Variants in UBE2K observed in about 807,000 individuals in gnomAD.
UBE2K encodes the protein ubiquitin conjugating enzyme E2 K.
A neutral mutation model predicts 30.0 loss-of-function variants in UBE2K; 6 were observed. The observed-to-expected ratio is 0.20, with a 90% CI of 0.11 to 0.39. UBE2K has a LOEUF of 0.39. Among genes scored for constraint, UBE2K ranks in the 10% least tolerant of loss-of-function variants. UBE2K has a pLI of 1.00. For synonymous variants in UBE2K, 86 were observed against 83.7 expected, an observed-to-expected ratio of 1.03 and a Z score of -0.15; for missense variants, 61 against 241.6, an observed-to-expected ratio of 0.25 and a Z score of 4.96.
chr4:39,751,926 C>T (rs1159367422), intron 3 of UBE2K, among the ~76,000 whole-genome samples: 2 of 152,138 alleles, frequency 1.3e-5, no homozygotes, highest in African/African-American at 2.4e-5. Flanking sequence ...GAGATCGCAC[C>T]ACCGCACTCC....
intron 1 of UBE2K, among the ~76,000 whole-genome samples, chr4:39,728,817 T>G (rs1719899466): frequency 7.7e-6 from 1 of 129,986 alleles, no homozygotes; most frequent in Admixed American, 7.7e-5. Context: ...AGGTTTTTTT[T>G]GTTTTTTTTG....
intron 5 of UBE2K, among the ~76,000 whole-genome samples, chr4:39,776,664 T>G (rs547362040): frequency 6.6e-6 from 1 of 152,296 alleles, no homozygotes; most frequent in South Asian, 2.1e-4. Flanking sequence ...GATTTTAATT[T>G]ATATATTATC....
chr4:39,716,414 AT>A (rs1204359607), intron 1 of UBE2K, among the ~76,000 whole-genome samples: 3 of 151,932 alleles, frequency 2.0e-5, no homozygotes, highest in African/African-American at 7.3e-5. Context: ...TGCCTGGCTG[AT>A]TTTTTTTACT....
intron 1 of UBE2K, among the ~76,000 whole-genome samples, chr4:39,702,637 G>A (rs996591456): frequency 2.2e-4 from 34 of 152,050 alleles, no homozygotes; most frequent in African/African-American, 8.0e-4. Context: ...AGTACATTAA[G>A]TTTTCCCTCA....
chr4:39,778,634 G>A lies in UBE2K; in HGVS notation c.*200G>A, dbSNP rs1196960478. ...TTAAACGTCTGTGTAAATTTAAAAAGGGGAAATACTTTAATTTTTTTTCTT... is the reference window on the plus strand; with the variant it reads ...TTAAACGTCTGTGTAAATTTAAAAAAGGGAAATACTTTAATTTTTTTTCTT... On this transcript the variant is annotated 3_prime_UTR_variant, in exon 7 of 7. Transcript: ENST00000261427. 4 of 429,404 alleles carry A rather than the reference G, an allele frequency of 9.3e-6. No homozygotes were observed. Among genetic ancestry groups the A allele is most frequent in the Non-Finnish European group, 1.6e-5 (4 of 242,796 alleles). 26.6% of individuals were successfully genotyped at this position (429,404 alleles called of 1,614,324 possible). A position where few individuals can be genotyped will look rare whatever the true frequency, so the allele number is the denominator to read the frequency against.
chr4:39,714,564 T>A (rs1450602152), intron 1 of UBE2K: 3 of 104,752 alleles, frequency 2.9e-5, no homozygotes, highest in African/African-American at 1.4e-4. Context: ...TTTTTTTTTT[T>A]TAAGACTGAG....
rs1711924172 is a variant in UBE2K at position 39,761,258 on chromosome 4, A to G, written c.299+5519A>G. On this transcript the variant is annotated intron_variant, in intron 4 of 6. Transcript: ENST00000261427. Reference sequence around the variant, plus strand: ...AGTGAGATAACACCTGTGAATAGCCACTGCATCCCAGCCTTGACAACATAG... The same window carrying G: ...AGTGAGATAACACCTGTGAATAGCCGCTGCATCCCAGCCTTGACAACATAG... The G allele has an allele frequency of 1.3e-5, 2 of 152,228 alleles. 1 individual carries two copies. Among genetic ancestry groups the G allele is most frequent in the South Asian group, 4.1e-4 (2 of 4,832 alleles). The allele number at this position is 152,228 out of a possible 1,614,324, so 9.4% of individuals were successfully genotyped here.
chr4:39,718,061 A>C (rs947808794), intron 1 of UBE2K, among the ~76,000 whole-genome samples: 4 of 122,502 alleles, frequency 3.3e-5, no homozygotes, highest in African/African-American at 1.0e-4. Context: ...ACAGTGTGGA[A>C]GGGGACCCGA....
intron 1 of UBE2K, among the ~76,000 whole-genome samples, chr4:39,729,721 C>G (rs1719969886): frequency 6.6e-6 from 1 of 152,172 alleles, no homozygotes; most frequent in Non-Finnish European, 1.5e-5. Context: ...CCTGAATAAT[C>G]TGGCTTTTGA....
chr4:39,772,940 G>A (rs1713000062), intron 4 of UBE2K, among the ~76,000 whole-genome samples: 1 of 151,750 alleles, frequency 6.6e-6, no homozygotes, highest in Non-Finnish European at 1.5e-5. Flanking sequence ...GCCCGCCCTG[G>A]CCTCCCAAAG....
At chr4:39,751,000 C>A (rs1230931553) in intron 3 of UBE2K, among the ~76,000 whole-genome samples, 1 of 151,914 alleles carries the variant, frequency 6.6e-6, no homozygotes, top group African/African-American at 2.4e-5. Flanking sequence ...CCCACCTCAG[C>A]CTCCTGAAGT....
intron 5 of UBE2K, among the ~76,000 whole-genome samples, chr4:39,776,447 G>T (rs1002853315): frequency 6.6e-6 from 1 of 151,900 alleles, no homozygotes; most frequent in African/African-American, 2.4e-5. Context: ...AAACTTGTTC[G>T]TAGCTCTACT....
intron 1 of UBE2K, among the ~76,000 whole-genome samples, chr4:39,720,320 AT>A (rs10716637): frequency 0.79 from 117,116 of 148,494 alleles, 46,246 homozygotes; most frequent in East Asian, 0.92. Flanking sequence ...TGGGAAGGTA[AT>A]TTTTTTTTTT....
intron 1 of UBE2K, among the ~76,000 whole-genome samples, chr4:39,700,884 A>G (rs944210863): frequency 1.3e-5 from 2 of 148,214 alleles, no homozygotes; most frequent in African/African-American, 2.5e-5. Flanking sequence ...AGCCAACAAG[A>G]TAAATGTGAA....
intron 1 of UBE2K, among the ~76,000 whole-genome samples, chr4:39,706,317 C>A (rs1360404037): frequency 6.6e-6 from 1 of 151,838 alleles, no homozygotes; most frequent in Non-Finnish European, 1.5e-5. Context: ...TGTCCGGCCA[C>A]AATACCCAGC....
rs1267447363 is a variant in UBE2K at position 39,770,931 on chromosome 4, G to C, written c.300-3903G>C. The C allele has an allele frequency of 1.1e-4, 168 of 1,567,052 alleles. 2 individuals are homozygous for C. In the South Asian group the frequency reaches 1.6e-3, roughly 15 times the overall value. On this transcript the variant is annotated intron_variant, in intron 4 of 6. Transcript: ENST00000261427. ...CAGGAGTGGAGGGGATAGAGGAGGT[G>C]GGGGGTGGGGGCTTCGGGGCTGGCT...
At chr4:39,714,833 G>A (rs1014062929) in intron 1 of UBE2K, among the ~76,000 whole-genome samples, 6 of 151,236 alleles carry the variant, frequency 4.0e-5, no homozygotes, top group African/African-American at 1.5e-4. Flanking sequence ...ACAGGCGTAA[G>A]CCACCGTGCT....
chr4:39,709,427 T>C (rs989592820), intron 1 of UBE2K, among the ~76,000 whole-genome samples: 1 of 152,082 alleles, frequency 6.6e-6, no homozygotes, highest in African/African-American at 2.4e-5. Flanking sequence ...AGTTTGATTT[T>C]CTGCAGTTTC....
intron 3 of UBE2K, among the ~76,000 whole-genome samples, chr4:39,748,518 G>A (rs768141686): frequency 1.3e-5 from 2 of 151,772 alleles, no homozygotes; most frequent in Non-Finnish European, 2.9e-5. Context: ...GGTGGCTCAC[G>A]CCTATAATCC....
Sources: allele counts gnomAD v4.1 joint callset (sites outside exome capture counted in the v4.1 genomes callset), GRCh38; gene constraint gnomAD v4.1.1; transcripts MANE v1.5; gene names NCBI Gene and HGNC (gene_info 2026-07-23, HGNC 2026-07-21).